Variants in SLC13A4 observed in about 807,000 individuals in gnomAD.
SLC13A4 encodes the protein solute carrier family 13 member 4.
A neutral mutation model predicts 72.7 loss-of-function variants in SLC13A4; 28 were observed. That is an observed-to-expected ratio of 0.39 (90% confidence interval 0.29 to 0.53). SLC13A4 has a LOEUF of 0.53. Among genes scored for constraint, SLC13A4 ranks in the 20% least tolerant of loss-of-function variants. The pLI, the probability that SLC13A4 is intolerant of heterozygous loss-of-function variation, is 0.78. For missense variants in SLC13A4, 653 were observed against 788.0 expected, an observed-to-expected ratio of 0.83 and a Z score of 2.05; for synonymous variants, 312 against 325.5, an observed-to-expected ratio of 0.96 and a Z score of 0.45.
chr7:135,706,150 G>A lies in SLC13A4; in HGVS notation c.516C>T (p.Asn172=). 1.2e-6 allele frequency: 2 copies of A among 1,605,820 alleles called. No individual in the cohort carries two copies. Among genetic ancestry groups the A allele is most frequent in the Non-Finnish European group, 1.7e-6 (2 of 1,173,484 alleles). The change falls in exon 4 of 16, where the codon AAC becomes AAT. Residue 172 remains asparagine (N), a synonymous_variant. Coordinates refer to ENST00000682651, the MANE Select transcript of SLC13A4 (RefSeq NM_001318192.2). ...TACTGATGGGTTCGGCCTCTTCGGT[G>A]TTGGAGTTGCCCGCCACGAGCTGCT... ...EDEQLVAGNS[N]TEEAEPISLD...
Position 135,706,177 on chromosome 7 carries a change from G to A in SLC13A4, c.489C>T (p.Asp163=), listed in dbSNP as rs780042730. 4.1e-5 allele frequency: 66 copies of A among 1,610,848 alleles called. No individual in the cohort carries two copies. Among genetic ancestry groups the A allele is most frequent in the Admixed American group, 5.0e-5 (3 of 59,944 alleles). ...AVLQELVSAE[D]EQLVAGNSNT... ...TGGAGTTGCCCGCCACGAGCTGCTC[G>A]TCCTCAGCACTGACCAGCTCCTGCA... Residue 163 remains aspartate, a synonymous_variant, in exon 4 of 16, where the codon GAC becomes GAT. Transcript: ENST00000682651.
At chr7:135,713,095 CT>C (rs1366207869) in intron 2 of SLC13A4, among the ~76,000 whole-genome samples, 11 of 152,188 alleles carry the variant, frequency 7.2e-5, no homozygotes, top group African/African-American at 2.7e-4. Flanking sequence ...ATTAGCATTC[CT>C]TTCCCCATTT....
At chr7:135,688,689 T>C (rs1795696914) in intron 13 of SLC13A4, among the ~76,000 whole-genome samples, 1 of 152,236 alleles carries the variant, frequency 6.6e-6, no homozygotes, top group African/African-American at 2.4e-5. Context: ...AAACTCTTGG[T>C]ATGAAAACAT....
intron 1 of SLC13A4, 149 bp downstream of exon 1, chr7:135,727,249 G>A (rs1796682006): frequency 9.3e-7 from 1 of 1,070,220 alleles, no homozygotes; most frequent in African/African-American, 1.6e-5. Context: ...AGATATCTTG[G>A]TTTCCTCTGG....
At chr7:135,709,507 C>T (rs1313544121) in intron 2 of SLC13A4, among the ~76,000 whole-genome samples, 3 of 151,822 alleles carry the variant, frequency 2.0e-5, no homozygotes, top group Non-Finnish European at 2.9e-5. Context: ...GCAGCCTCAA[C>T]CTCCCAGGCT....
Position 135,706,155 on chromosome 7 carries a change from A to G in SLC13A4, c.511T>C (p.Ser171Pro). ...AEDEQLVAGNSNTEEAEPISL... is the reference protein window; with the variant it reads ...AEDEQLVAGNPNTEEAEPISL... The stretch of plus-strand genomic sequence containing the variant: ...ATGGGTTCGGCCTCTTCGGTGTTGG[A>G]GTTGCCCGCCACGAGCTGCTCGTCC... The change falls in exon 4 of 16, where the codon TCC (serine) becomes CCC (proline). Residue 171 changes from serine (S) to proline (P), a missense_variant. By Grantham distance (74) the Ser-to-Pro change is moderately conservative (BLOSUM62 -1). Transcript: ENST00000682651. 6.2e-7 allele frequency: 1 copy of G among 1,606,366 alleles called. No individual in the cohort carries two copies.
At chr7:135,701,818 C>A in intron 6 of SLC13A4, 58 bp from the exon 7 acceptor site, 1 of 1,547,904 alleles carries the variant, frequency 6.5e-7, no homozygotes, top group South Asian at 1.1e-5. Flanking sequence ...CCAGGTGCCT[C>A]GAGAAGGACC....
At chr7:135,719,938 CAG>C in intron 2 of SLC13A4, among the ~76,000 whole-genome samples, 3 of 94,754 alleles carry the variant, frequency 3.2e-5, no homozygotes, top group Middle Eastern at 0.015. Context: ...GGGAGAGAGA[CAG>C]GGGAGGGAGT....
At chr7:135,713,076 A>G (rs951316966) in intron 2 of SLC13A4, among the ~76,000 whole-genome samples, 1 of 152,108 alleles carries the variant, frequency 6.6e-6, no homozygotes, top group Non-Finnish European at 1.5e-5. Flanking sequence ...CGATGTGAGG[A>G]TGCTTGCCAT....
chr7:135,727,074 G>T (rs573923717), intron 1 of SLC13A4, among the ~76,000 whole-genome samples: 1 of 152,346 alleles, frequency 6.6e-6, no homozygotes, highest in East Asian at 1.9e-4. Flanking sequence ...TCGTTTGCAT[G>T]GGTGTCGCTG....
chr7:135,724,411 C>T (rs1039260402), intron 1 of SLC13A4, among the ~76,000 whole-genome samples: 1 of 149,188 alleles, frequency 6.7e-6, no homozygotes, highest in African/African-American at 2.5e-5. Context: ...GCAGGAGAAT[C>T]CCTTGAACCC....
intron 8 of SLC13A4, among the ~76,000 whole-genome samples, chr7:135,698,897 C>T (rs1341192909): frequency 5.9e-5 from 9 of 151,638 alleles, no homozygotes; most frequent in Admixed American, 6.6e-5. Flanking sequence ...CCTCCCAAAG[C>T]GCTGGGATTA....
At chr7:135,711,128 G>A (rs73454422) in intron 2 of SLC13A4, among the ~76,000 whole-genome samples, 1,620 of 152,280 alleles carry the variant, frequency 0.011, 25 homozygotes, top group African/African-American at 0.036. Context: ...TTGTGGAGGC[G>A]GCTTTGTGGC....
In SLC13A4 at chr7:135,708,119, C is replaced by T. The variant is rs749292469; in HGVS notation, c.360G>A (p.Pro120=). The part of the protein sequence containing the change: ...LRMVLMAGAK[P]GMLLLCFMCC... ...GCATCCCAAATAAGACTTACATGCC[C>T]GGCTTGGCTCCGGCCATCAAGACCA... Residue 120 remains proline (P), a synonymous_variant, in exon 3 of 16, where the codon CCG becomes CCA. Transcript: ENST00000682651. 10 of 1,612,872 alleles carry T rather than the reference C, an allele frequency of 6.2e-6. No individual in the cohort carries two copies. The highest frequency in any genetic ancestry group is 1.7e-5 in the Admixed American group (1 of 59,972).
intron 8 of SLC13A4, 39 bp downstream of exon 8, chr7:135,699,325 G>A (rs1257812340): frequency 3.2e-6 from 5 of 1,557,234 alleles, no homozygotes; most frequent in South Asian, 2.4e-5. Context: ...ACACACAGTG[G>A]TGGTTAGTAA....
intron 1 of SLC13A4, among the ~76,000 whole-genome samples, chr7:135,727,066 G>C (rs1720521446): frequency 6.6e-6 from 1 of 152,174 alleles, no homozygotes; most frequent in African/African-American, 2.4e-5. Context: ...GCACCATGTC[G>C]TTTGCATGGG....
intron 1 of SLC13A4, among the ~76,000 whole-genome samples, chr7:135,725,207 G>T (rs974123287): frequency 6.6e-6 from 1 of 152,194 alleles, no homozygotes; most frequent in South Asian, 2.1e-4. Flanking sequence ...CCCCATGTAG[G>T]ACGTTTCCTA....
chr7:135,697,398 C>G (rs1169566292), intron 8 of SLC13A4, among the ~76,000 whole-genome samples: 1 of 152,146 alleles, frequency 6.6e-6, no homozygotes, highest in Non-Finnish European at 1.5e-5. Context: ...CAGACACGGC[C>G]TTTCCCTCTC....
rs542994453 is a variant in SLC13A4 at position 135,685,466 on chromosome 7, C to G, written c.1608+56G>C. ...GGAAGCTGCCCTGAGCCAGGCCTGCCACTCCAGGCCCCTGGGACAGCCTGT... is the reference window on the plus strand; with the variant it reads ...GGAAGCTGCCCTGAGCCAGGCCTGCGACTCCAGGCCCCTGGGACAGCCTGT... On this transcript the variant is annotated intron_variant, in intron 14 of 15. Coordinates refer to ENST00000682651, the MANE Select transcript of SLC13A4 (RefSeq NM_001318192.2). 116 of 1,535,536 alleles carry G rather than the reference C, an allele frequency of 7.6e-5. No individual in the cohort carries two copies. The Admixed American group carries it at 2.0e-3, about 26-fold the overall frequency.
Sources: allele counts gnomAD v4.1 joint callset (sites outside exome capture counted in the v4.1 genomes callset), GRCh38; gene constraint gnomAD v4.1.1; transcripts MANE v1.5; gene names NCBI Gene and HGNC (gene_info 2026-07-23, HGNC 2026-07-21).